Variants in MTR observed in about 807,000 individuals in gnomAD.
MTR encodes the protein 5-methyltetrahydrofolate-homocysteine methyltransferase, also known as methionine synthase.
In MTR, 84 loss-of-function variants were observed where a neutral mutation model predicts 154.8. That is an observed-to-expected ratio of 0.54 (90% confidence interval 0.45 to 0.65). The LOEUF is 0.65. Ranked by LOEUF, MTR falls within the 30% of genes least tolerant of loss-of-function variation. MTR has a pLI of 0.00. For missense variants in MTR, 1,275 were observed against 1,570.2 expected, an observed-to-expected ratio of 0.81 and a Z score of 3.18; for synonymous variants, 554 against 553.9, an observed-to-expected ratio of 1.00 and a Z score of 0.00.
At position 236,838,283 on chromosome 1, in the gene MTR, A is replaced by G. The variant is rs565186911; in HGVS notation, c.1330-131A>G. 2.7e-4 allele frequency: 245 copies of G among 911,124 alleles called. No individual in the cohort carries two copies. In the Admixed American group the frequency reaches 3.1e-3, roughly 12 times the overall value. 56.4% of individuals were successfully genotyped at this position (911,124 alleles called of 1,614,324 possible). On this transcript the variant is annotated intron_variant, in intron 14 of 32. Transcript: ENST00000366577. ...TAAAGAACAAGTATATTAAAATTCT[A>G]TCTCTGACATACTACTATTTTTTGT...
Position 236,825,408 on chromosome 1 carries a change from TC to T in MTR, c.927+14del. On this transcript the variant is annotated intron_variant, in intron 10 of 32. Coordinates refer to ENST00000366577, the MANE Select transcript of MTR (RefSeq NM_000254.3). ...TGGCCAAGCACCTAAAGGTCAGGGGTCCCCCTTTCACTGGCTTTTTAAGAGA... is the reference window on the plus strand; with the variant it reads ...TGGCCAAGCACCTAAAGGTCAGGGGTCCCCTTTCACTGGCTTTTTAAGAGA... 2 of 1,609,114 alleles carry T rather than the reference TC, an allele frequency of 1.2e-6. No individual in the cohort carries two copies. The highest frequency in any genetic ancestry group is 1.7e-6 in the Non-Finnish European group (2 of 1,175,706).
chr1:236,838,746 A>G, intron 15 of MTR, 147 bp downstream of exon 15: 2 of 821,522 alleles, frequency 2.4e-6, no homozygotes, highest in Non-Finnish European at 4.0e-6. Context: ...ATGTACACGT[A>G]TCTGTATACA....
chr1:236,848,837 A>G (rs182424889), intron 15 of MTR, among the ~76,000 whole-genome samples: 1 of 152,334 alleles, frequency 6.6e-6, no homozygotes, highest in Non-Finnish European at 1.5e-5. Flanking sequence ...AAGTGATCAA[A>G]AGGCTAGATC....
Position 236,889,230 on chromosome 1 carries a change from G to A in MTR, c.2901G>A (p.Gln967=). The change falls in exon 28 of 33, where the codon CAG becomes CAA. Residue 967 remains glutamine (Q), a synonymous_variant. Transcript: ENST00000366577. ...GTQVFEDYDL[Q]KLVDYIDWKP... ...AGGTCTTTGAAGACTATGACCTGCA[G>A]AAGCTGGTGGACTACATTGACTGGA... 1 of 1,614,230 alleles carries A rather than the reference G, an allele frequency of 6.2e-7. No homozygotes were observed. Among genetic ancestry groups the A allele is most frequent in the Non-Finnish European group, 8.5e-7 (1 of 1,180,038 alleles).
At chr1:236,841,839 C>A (rs148333993) in intron 15 of MTR, among the ~76,000 whole-genome samples, 1 of 152,092 alleles carries the variant, frequency 6.6e-6, no homozygotes, top group East Asian at 1.9e-4. Flanking sequence ...AGTACTGCTC[C>A]ATTGTCTTCT....
chr1:236,903,017 C>G lies in MTR; in HGVS notation c.*5373C>G, dbSNP rs1158693615. 6.6e-6 allele frequency: 1 copy of G among 152,158 alleles called. No individual in the cohort carries two copies. The highest frequency in any genetic ancestry group is 1.5e-5 in the Non-Finnish European group (1 of 68,052). 9.4% of individuals were successfully genotyped at this position (152,158 alleles called of 1,614,324 possible). A position where few individuals can be genotyped will look rare whatever the true frequency, so the allele number is the denominator to read the frequency against. On this transcript the variant is annotated 3_prime_UTR_variant, in exon 33 of 33. Coordinates refer to ENST00000366577, the MANE Select transcript of MTR (RefSeq NM_000254.3). ...GGCACAGTGTCACATGCCTGTAAAC[C>G]CAGCTATTCAGGAGGCTGAGGTGGG... is the stretch of plus-strand genomic sequence containing the variant.
chr1:236,877,073 C>T (rs910608147), intron 24 of MTR, among the ~76,000 whole-genome samples: 7 of 152,176 alleles, frequency 4.6e-5, no homozygotes, highest in Non-Finnish European at 7.3e-5. Flanking sequence ...CACTGCTTCC[C>T]GGGAACCATT....
intron 14 of MTR, among the ~76,000 whole-genome samples, chr1:236,838,201 C>T (rs1663018384): frequency 6.6e-6 from 1 of 152,154 alleles, no homozygotes. Context: ...GTTGTAAATC[C>T]CTGGCCCATG....
chr1:236,809,648 G>A (rs550688485), intron 4 of MTR, among the ~76,000 whole-genome samples: 2 of 152,298 alleles, frequency 1.3e-5, no homozygotes, highest in South Asian at 4.1e-4. Context: ...TTATACCCAC[G>A]TTATTGGTTA....
At chr1:236,865,918 T>TA in intron 22 of MTR, among the ~76,000 whole-genome samples, 1 of 152,314 alleles carries the variant, frequency 6.6e-6, no homozygotes, top group Admixed American at 6.5e-5. Flanking sequence ...TGAGAAAACT[T>TA]AGGCTTAGAG....
chr1:236,880,936 T>A, intron 25 of MTR, 100 bp downstream of exon 25: 1 of 1,208,586 alleles, frequency 8.3e-7, no homozygotes, highest in Non-Finnish European at 1.2e-6. Context: ...TCAGTTCTAC[T>A]AAATAAAGGT....
chr1:236,892,229 T>A (rs1340799819), intron 29 of MTR, among the ~76,000 whole-genome samples: 2 of 152,178 alleles, frequency 1.3e-5, no homozygotes, highest in Non-Finnish European at 2.9e-5. Context: ...CCCAGCACTT[T>A]GAGAGGCCAA....
intron 17 of MTR, 84 bp downstream of exon 17, chr1:236,852,721 C>G (rs1663981273): frequency 1.6e-6 from 2 of 1,278,832 alleles, no homozygotes; most frequent in Admixed American, 3.4e-5. Context: ...CAGGCTAAGT[C>G]CGGCCTGCTG....
chr1:236,874,585 A>AAT, intron 23 of MTR, 141 bp from the exon 24 acceptor site: 3 of 643,116 alleles, frequency 4.7e-6, no homozygotes, highest in Non-Finnish European at 7.5e-6. Flanking sequence ...AAAAAAAAAA[A>AAT]GAATTAGGAA....
chr1:236,867,053 G>T (rs1664859074), intron 22 of MTR, among the ~76,000 whole-genome samples: 1 of 152,222 alleles, frequency 6.6e-6, no homozygotes, highest in African/African-American at 2.4e-5. Context: ...CATCACTGAG[G>T]AAGGTGGCTA....
At chr1:236,806,103 ACT>A in intron 2 of MTR, 39 bp from the exon 3 acceptor site, 2 of 1,548,464 alleles carry the variant, frequency 1.3e-6, no homozygotes, top group African/African-American at 1.4e-5. Flanking sequence ...GGCACAAGAA[ACT>A]CTAAAGCTCA....
chr1:236,881,863 G>A (rs1665754604), intron 25 of MTR, among the ~76,000 whole-genome samples: 1 of 152,138 alleles, frequency 6.6e-6, no homozygotes, highest in Non-Finnish European at 1.5e-5. Flanking sequence ...CATGATATAG[G>A]TATTTTTTGG....
At position 236,797,851 on chromosome 1, in the gene MTR, A is replaced by T. The variant is rs180790125; in HGVS notation, c.34+2114A>T. On this transcript the variant is annotated intron_variant, in intron 1 of 32. Transcript: ENST00000366577. ...TGAGCGCCTATAACCCCAGCTACTCAGGAGGCTGAGGCAGGAGAATCGCTT... is the reference window on the plus strand; with the variant it reads ...TGAGCGCCTATAACCCCAGCTACTCTGGAGGCTGAGGCAGGAGAATCGCTT... Among the ~76,000 whole-genome samples the T allele has an allele frequency of 3.2e-4, 49 of 151,680 alleles. 1 individual carries two copies. The highest frequency in any genetic ancestry group is 3.0e-3 in the Admixed American group (46 of 15,226).
chr1:236,804,964 G>A (rs1426624069), intron 2 of MTR, among the ~76,000 whole-genome samples: 1 of 151,288 alleles, frequency 6.6e-6, no homozygotes, highest in Non-Finnish European at 1.5e-5. Flanking sequence ...GTCAGTATTT[G>A]TAGATATACA....
Sources: gnomAD v4.1 joint callset for allele counts (sites outside exome capture counted in the v4.1 genomes callset) on GRCh38, gnomAD v4.1.1 for gene constraint, MANE v1.5 for transcripts, NCBI Gene and HGNC (gene_info 2026-07-23, HGNC 2026-07-21) for gene names.